The following DOCK1 variants were observed in gnomAD, a reference collection of about 807,000 sequenced individuals.
The protein encoded by DOCK1 is dedicator of cytokinesis protein 1.
In DOCK1, 138 loss-of-function variants were observed where a neutral mutation model predicts 262.7. The ratio of observed to expected loss-of-function variants is 0.53; its 90% CI spans 0.46 to 0.61. The LOEUF is 0.61. DOCK1 is among the 20% of genes least tolerant of loss of function. The pLI is 0.00. For synonymous variants in DOCK1, 866 were observed against 867.4 expected, an observed-to-expected ratio of 1.00 and a Z score of 0.03; for missense variants, 1,908 against 2,370.7, an observed-to-expected ratio of 0.80 and a Z score of 4.05.
chr10:127,304,907 A>C (rs2061818056), intron 29 of DOCK1, among the ~76,000 whole-genome samples: 3 of 152,166 alleles, frequency 2.0e-5, no homozygotes, highest in South Asian at 2.1e-4. Flanking sequence ...ACAACAACAA[A>C]AAAACTCACA....
At chr10:127,211,965 G>A (rs2057999326) in intron 27 of DOCK1, among the ~76,000 whole-genome samples, 1 of 152,182 alleles carries the variant, frequency 6.6e-6, no homozygotes, top group Non-Finnish European at 1.5e-5. Flanking sequence ...CCTTTGAAAA[G>A]ATTTAAACCT....
At chr10:127,006,165 G>C (rs9418676) in intron 10 of DOCK1, among the ~76,000 whole-genome samples, 27,855 of 152,086 alleles carry the variant, frequency 0.18, 3,091 homozygotes, top group Middle Eastern at 0.26. Flanking sequence ...CGCAGGGTGT[G>C]GGGGTCCATC....
chr10:127,017,278 C>CACACGCACAG (rs1554973962), intron 12 of DOCK1, among the ~76,000 whole-genome samples: 1 of 150,894 alleles, frequency 6.6e-6, no homozygotes, highest in Admixed American at 6.6e-5. Flanking sequence ...CATATAGACA[C>CACACGCACAG]ACACAGACAC....
At chr10:127,343,292 C>T (rs186810959) in intron 30 of DOCK1, among the ~76,000 whole-genome samples, 62 of 152,206 alleles carry the variant, frequency 4.1e-4, no homozygotes, top group Admixed American at 2.7e-3. Flanking sequence ...TGCTCTGTAC[C>T]GCCTTAAATT....
intron 35 of DOCK1, 135 bp downstream of exon 35, chr10:127,374,349 C>A: frequency 1.7e-6 from 2 of 1,184,476 alleles, no homozygotes; most frequent in Non-Finnish European, 2.3e-6. Context: ...CGCTTGTTTC[C>A]TCATCTGCTG....
intron 1 of DOCK1, among the ~76,000 whole-genome samples, chr10:126,921,694 C>G (rs1295741063): frequency 6.6e-6 from 1 of 152,018 alleles, no homozygotes; most frequent in Non-Finnish European, 1.5e-5. Flanking sequence ...GCTCTGTTCC[C>G]CAGGCTGGAG....
intron 27 of DOCK1, among the ~76,000 whole-genome samples, chr10:127,196,346 GAGCC>G (rs1230812882): frequency 6.7e-6 from 1 of 148,752 alleles, no homozygotes; most frequent in African/African-American, 2.4e-5. Flanking sequence ...CGACGCGGCG[GAGCC>G]AGCCACAGCC....
chr10:126,948,872 G>C (rs974326194), intron 1 of DOCK1, among the ~76,000 whole-genome samples: 1 of 152,034 alleles, frequency 6.6e-6, no homozygotes, highest in Non-Finnish European at 1.5e-5. Context: ...ATGTGTGCTG[G>C]GCCTGGCCCA....
intron 24 of DOCK1, among the ~76,000 whole-genome samples, chr10:127,106,651 C>T (rs1592050614): frequency 6.6e-6 from 1 of 152,072 alleles, no homozygotes; most frequent in African/African-American, 2.4e-5. Flanking sequence ...GACATAGGAG[C>T]TTTAATATTC....
chr10:127,310,843 GTTA>G (rs1439775605), intron 29 of DOCK1, among the ~76,000 whole-genome samples: 1 of 152,084 alleles, frequency 6.6e-6, no homozygotes, highest in Admixed American at 6.5e-5. Flanking sequence ...TTTATCTCCT[GTTA>G]TGTCTTATTA....
At chr10:127,229,425 C>G (rs1307750812) in intron 27 of DOCK1, among the ~76,000 whole-genome samples, 2 of 152,194 alleles carry the variant, frequency 1.3e-5, no homozygotes, top group Non-Finnish European at 2.9e-5. Flanking sequence ...AACCACAATT[C>G]TACTTTCTGC....
intron 23 of DOCK1, among the ~76,000 whole-genome samples, chr10:127,062,875 G>A (rs1033589414): frequency 1.3e-5 from 2 of 152,202 alleles, no homozygotes; most frequent in Non-Finnish European, 2.9e-5. Flanking sequence ...CAGTGCCCCT[G>A]TCCTTCTGTC....
intron 29 of DOCK1, among the ~76,000 whole-genome samples, chr10:127,269,017 G>A (rs2060472467): frequency 6.6e-6 from 1 of 152,154 alleles, no homozygotes; most frequent in Non-Finnish European, 1.5e-5. Context: ...GCCACCTTCA[G>A]TACAAGGGTT....
chr10:127,448,589 C>G (rs924780667), intron 51 of DOCK1, among the ~76,000 whole-genome samples: 2 of 152,156 alleles, frequency 1.3e-5, no homozygotes, highest in South Asian at 4.1e-4. Context: ...CTTCTAGGCT[C>G]AGGCCTCCCC....
intron 1 of DOCK1, among the ~76,000 whole-genome samples, chr10:126,932,880 C>T (rs947775091): frequency 6.6e-6 from 1 of 152,170 alleles, no homozygotes; most frequent in Non-Finnish European, 1.5e-5. Context: ...AGGCCAAGAA[C>T]TGGGCCCAGT....
intron 4 of DOCK1, among the ~76,000 whole-genome samples, chr10:126,986,834 T>C (rs775527713): frequency 6.6e-6 from 1 of 152,070 alleles, no homozygotes; most frequent in African/African-American, 2.4e-5. Context: ...CGCTTGAACC[T>C]GGGAGGCAGA....
chr10:126,937,992 G>A (rs1312421935), intron 1 of DOCK1, among the ~76,000 whole-genome samples: 1 of 151,770 alleles, frequency 6.6e-6, no homozygotes, highest in Non-Finnish European at 1.5e-5. Context: ...CTTGTGCTTA[G>A]GCCTTCTGTC....
At chr10:127,444,397 G>C (rs1018818214) in intron 50 of DOCK1, 118 bp downstream of exon 50, 7 of 1,285,674 alleles carry the variant, frequency 5.4e-6, no homozygotes, top group Non-Finnish European at 7.3e-6. Flanking sequence ...TGGGAGTTTA[G>C]ATAAACACCT....
intron 32 of DOCK1, among the ~76,000 whole-genome samples, chr10:127,361,617 A>G (rs779119381): frequency 1.3e-5 from 2 of 152,158 alleles, no homozygotes; most frequent in East Asian, 1.9e-4. Flanking sequence ...TGGGAGATAA[A>G]GAGGACTCAA....
Sources: allele counts gnomAD v4.1 joint callset (sites outside exome capture counted in the v4.1 genomes callset), GRCh38; gene constraint gnomAD v4.1.1; transcripts MANE v1.5; gene names NCBI Gene and HGNC (gene_info 2026-07-23, HGNC 2026-07-21).